The following VAC14 variants were observed in gnomAD, a reference collection of about 807,000 sequenced individuals.
VAC14 encodes the protein VAC14 component of PIKFYVE complex.
A neutral mutation model predicts 85.3 loss-of-function variants in VAC14; 47 were observed. That is an observed-to-expected ratio of 0.55 (90% CI 0.44 to 0.70). The LOEUF (loss-of-function observed/expected upper bound fraction) is 0.70. VAC14 is among the 30% of genes least tolerant of loss of function. VAC14 has a pLI of 0.00. For missense variants in VAC14, 861 were observed against 1,004.3 expected, an observed-to-expected ratio of 0.86 and a Z score of 1.93; for synonymous variants, 447 against 430.5, an observed-to-expected ratio of 1.04 and a Z score of -0.47.
chr16:70,735,781 T>C (rs1028209368), intron 13 of VAC14, among the ~76,000 whole-genome samples: 18 of 152,394 alleles, frequency 1.2e-4, no homozygotes, highest in Admixed American at 3.3e-4. Flanking sequence ...TTGGACTGCA[T>C]TGTGCTGGGT....
At chr16:70,791,907 C>G (rs141485261) in intron 1 of VAC14, among the ~76,000 whole-genome samples, 1 of 152,270 alleles carries the variant, frequency 6.6e-6, no homozygotes, top group East Asian at 1.9e-4. Context: ...CAAACCTAAC[C>G]TGCTGGGTTA....
At chr16:70,772,232 G>T in intron 9 of VAC14, 60 bp from the exon 10 acceptor site, 2 of 1,415,970 alleles carry the variant, frequency 1.4e-6, no homozygotes, top group South Asian at 1.2e-5. Flanking sequence ...GAATAAACAA[G>T]ACCCCTGTGA....
chr16:70,731,228 C>G, intron 14 of VAC14: 1 of 1,137,556 alleles, frequency 8.8e-7, no homozygotes, highest in Non-Finnish European at 1.1e-6. Flanking sequence ...AGAGGCTGTT[C>G]CACCTCAGGG....
rs372000252 is a variant in VAC14 at position 70,780,937 on chromosome 16, T to C, written c.949A>G (p.Ile317Val). The change falls in exon 9 of 19, where the codon ATC becomes GTC. Residue 317 changes from isoleucine to valine, a missense_variant and splice_region_variant. By Grantham distance (29) the Ile-to-Val change is conservative. Around this residue, in one of 3 missense-constraint regions of VAC14, gnomAD observed 629 missense variants for 703.1 expected, o/e 0.89. Coordinates refer to ENST00000261776, the MANE Select transcript of VAC14 (RefSeq NM_018052.5). ...TTGCACACGTTGGCCACTTCTTTGA[T>C]GCCTGAGTCCACTGATGTAAGGAGC... ...CLAYDDRKKS[I>V]KEVANVCNQS... The C allele has an allele frequency of 2.5e-6, 4 of 1,614,134 alleles. No individual in the cohort carries two copies. The highest frequency in any genetic ancestry group is 2.5e-6 in the Non-Finnish European group (3 of 1,180,024).
rs539568862 is a variant in VAC14, at chr16:70,750,675, G to T, written c.1372-6096C>A. The stretch of plus-strand genomic sequence containing the variant: ...CAATGTGGGAGGAGGGTGAGTGTCT[G>T]GGTGGGGCCACCACAGGCTGTCGCC... On this transcript the variant is annotated intron_variant, in intron 12 of 18. Coordinates refer to ENST00000261776, the MANE Select transcript of VAC14 (RefSeq NM_018052.5). Among the ~76,000 whole-genome samples the T allele has an allele frequency of 1.4e-4, 21 of 152,274 alleles. No homozygotes were observed. In the South Asian group the frequency reaches 4.1e-3, roughly 30 times the overall value.
intron 9 of VAC14, chr16:70,773,100 G>A (rs2033329501): frequency 6.6e-6 from 1 of 152,214 alleles, no homozygotes; most frequent in East Asian, 1.9e-4. Flanking sequence ...ATGGCTAATG[G>A]ATTCTTTCAA....
At chr16:70,704,058 T>G (rs138391348) in intron 14 of VAC14, among the ~76,000 whole-genome samples, 3 of 152,330 alleles carry the variant, frequency 2.0e-5, no homozygotes, top group African/African-American at 7.2e-5. Context: ...CTGGCAAGCA[T>G]CAGCACACAT....
intron 1 of VAC14, among the ~76,000 whole-genome samples, chr16:70,787,354 G>C (rs1204348756): frequency 1.3e-5 from 2 of 152,156 alleles, no homozygotes; most frequent in African/African-American, 2.4e-5. Flanking sequence ...GGAGAGAGGA[G>C]GGTAGGGTAG....
chr16:70,697,282 T>C (rs2053732163), intron 15 of VAC14, 25 bp from the exon 16 acceptor site: 1 of 1,589,694 alleles, frequency 6.3e-7, no homozygotes, highest in African/African-American at 1.3e-5. Context: ...GCATGAGCCG[T>C]GAGGACACGC....
chr16:70,800,240 C>A (rs2034718067), intron 1 of VAC14, among the ~76,000 whole-genome samples: 1 of 152,210 alleles, frequency 6.6e-6, no homozygotes, highest in African/African-American at 2.4e-5. Context: ...ACTGCAGAAG[C>A]AAGAAAGGTC....
At chr16:70,780,647 G>T in intron 9 of VAC14, 143 bp downstream of exon 9, 1 of 1,076,988 alleles carries the variant, frequency 9.3e-7, no homozygotes, top group Non-Finnish European at 1.3e-6. Context: ...TGCTGCCACT[G>T]CGCTGGGTTG....
intron 18 of VAC14, chr16:70,690,897 G>C (rs2053584008): frequency 1.0e-6 from 1 of 985,300 alleles, no homozygotes; most frequent in Non-Finnish European, 1.2e-6. Context: ...GAAGGCTAGG[G>C]GGTGTCTCAC....
chr16:70,771,934 T>A (rs1012912119), intron 10 of VAC14, 175 bp downstream of exon 10: 1 of 621,288 alleles, frequency 1.6e-6, no homozygotes, highest in African/African-American at 1.8e-5. Context: ...TGGGGTGGGC[T>A]TGCTCAGTGT....
Position 70,760,296 on chromosome 16 carries a change from G to C in VAC14, c.1371+2244C>G, listed in dbSNP as rs112192214. Among the ~76,000 whole-genome samples, 121 of 152,262 alleles carry C rather than the reference G, an allele frequency of 7.9e-4. 1 individual carries two copies. Among genetic ancestry groups the C allele is most frequent in the African/African-American group, 2.8e-3 (117 of 41,538 alleles). On this transcript the variant is annotated intron_variant, in intron 12 of 18. Transcript: ENST00000261776. The stretch of plus-strand genomic sequence containing the variant: ...GAAATACTTGAAAAATCCTGAGAGG[G>C]CACTTTCTAGATATCCTAGAAAGGA...
At chr16:70,768,810 GGTGT>G (rs1004332983) in intron 10 of VAC14, 2 of 452,824 alleles carry the variant, frequency 4.4e-6, no homozygotes, top group Non-Finnish European at 4.4e-6. Context: ...GCATTTTTTT[GGTGT>G]GTGTGTGACA....
chr16:70,714,484 T>C, intron 14 of VAC14: 1 of 152,242 alleles, frequency 6.6e-6, no homozygotes, highest in Non-Finnish European at 1.5e-5. Context: ...GGCAGGGGGC[T>C]TCCAACAGAG....
chr16:70,785,848 C>A lies in VAC14; in HGVS notation c.277G>T (p.Glu93Ter). 1.9e-6 allele frequency: 3 copies of A among 1,605,094 alleles called. No homozygotes were observed. Among genetic ancestry groups the A allele is most frequent in the Non-Finnish European group, 2.6e-6 (3 of 1,175,546 alleles). The change falls in exon 3 of 19, where the codon GAG (glutamate) becomes TAG (stop). Residue 93 changes from glutamate (E) to a stop codon, truncating the protein, a stop_gained. Transcript: ENST00000261776. LOFTEE classifies it high-confidence loss of function. ...LGKDSGLYLK[E>*]LIEPVLTCFN... The stretch of plus-strand genomic sequence containing the variant: ...CAGGTCAGCACTGGCTCGATCAGCT[C>A]CTTCAGGTAGAGCCCTGAGTCCTGC...
At chr16:70,751,450 T>C (rs2031379850) in intron 12 of VAC14, among the ~76,000 whole-genome samples, 1 of 152,188 alleles carries the variant, frequency 6.6e-6, no homozygotes, top group Middle Eastern at 3.2e-3. Context: ...GAAATCTGGG[T>C]CAGGTCCAGC....
chr16:70,783,631 G>C, intron 5 of VAC14, 77 bp from the exon 6 acceptor site: 1 of 1,440,494 alleles, frequency 6.9e-7, no homozygotes. Flanking sequence ...CTGGGACTGG[G>C]CTGTAGGAAG....
Sources: gnomAD v4.1 joint callset for allele counts (sites outside exome capture counted in the v4.1 genomes callset) on GRCh38, gnomAD v4.1.1 for gene constraint, gnomAD v4.1.1 regional missense constraint, MANE v1.5 for transcripts, NCBI Gene and HGNC (gene_info 2026-07-23, HGNC 2026-07-21) for gene names.